Variants in NCALD observed in about 807,000 individuals in gnomAD.
NCALD encodes the protein neurocalcin delta.
In NCALD, 10 loss-of-function variants were observed where a neutral mutation model predicts 18.6. The ratio of observed to expected loss-of-function variants is 0.54; its 90% CI spans 0.33 to 0.91. NCALD has a LOEUF of 0.91. Among genes scored for constraint, NCALD ranks in the 40% least tolerant of loss-of-function variants. NCALD has a pLI of 0.03. For missense variants in NCALD, 184 were observed against 247.6 expected (o/e 0.74, Z 1.72); for synonymous variants, 88 against 87.4 (o/e 1.01, Z -0.04).
intron 4 of NCALD, among the ~76,000 whole-genome samples, chr8:101,840,415 A>G (rs764053731): frequency 1.2e-4 from 18 of 150,734 alleles, no homozygotes; most frequent in Non-Finnish European, 2.5e-4. Context: ...ATATAGCCTG[A>G]AAAACAGAAA....
chr8:101,914,555 AC>A (rs1817913511), intron 3 of NCALD, among the ~76,000 whole-genome samples: 1 of 152,224 alleles, frequency 6.6e-6, no homozygotes, highest in African/African-American at 2.4e-5. Context: ...AGAGTATCTT[AC>A]ATACATTATT....
chr8:101,814,514 A>C (rs1813421971), intron 4 of NCALD, among the ~76,000 whole-genome samples: 1 of 152,144 alleles, frequency 6.6e-6, no homozygotes. Flanking sequence ...ATCTACAAAA[A>C]ACCTACAGCT....
chr8:101,828,734 T>C (rs1563806637), intron 4 of NCALD, among the ~76,000 whole-genome samples: 1 of 152,118 alleles, frequency 6.6e-6, no homozygotes, highest in Non-Finnish European at 1.5e-5. Flanking sequence ...CCCAGGTAGC[T>C]GGGATTACAG....
At chr8:102,059,195 A>C (rs1402970601) in intron 1 of NCALD, among the ~76,000 whole-genome samples, 1 of 152,186 alleles carries the variant, frequency 6.6e-6, no homozygotes, top group Non-Finnish European at 1.5e-5. Context: ...CTACATGGTA[A>C]ATGTTTCATT....
chr8:101,936,856 A>G (rs1292500355), intron 2 of NCALD, among the ~76,000 whole-genome samples: 1 of 152,204 alleles, frequency 6.6e-6, no homozygotes, highest in African/African-American at 2.4e-5. Flanking sequence ...TCTCTTCCAC[A>G]TGACCTCCTG....
chr8:101,690,447 C>A (rs2129927027), intron 3 of NCALD: 1 of 985,454 alleles, frequency 1.0e-6, no homozygotes, highest in Admixed American at 6.1e-5. Flanking sequence ...CTGCCTGGCT[C>A]TGCACGCCTG....
chr8:101,745,305 C>T (rs1015604070), intron 1 of NCALD, among the ~76,000 whole-genome samples: 8 of 152,202 alleles, frequency 5.3e-5, no homozygotes, highest in East Asian at 1.9e-4. Context: ...CCAGCCATCA[C>T]GCCCTGGTGA....
At chr8:101,898,415 TTAATC>T (rs113134489) in intron 3 of NCALD, among the ~76,000 whole-genome samples, 8,649 of 152,206 alleles carry the variant, frequency 0.057, 630 homozygotes, top group African/African-American at 0.17. Flanking sequence ...TTGGAGTTCT[TTAATC>T]TAGGTACGTG....
chr8:101,854,420 T>C (rs1319702296), intron 4 of NCALD, among the ~76,000 whole-genome samples: 1 of 152,192 alleles, frequency 6.6e-6, no homozygotes, highest in Non-Finnish European at 1.5e-5. Context: ...GTTCCTGAAG[T>C]GCATGGGTCA....
intron 2 of NCALD, among the ~76,000 whole-genome samples, chr8:101,964,848 T>C (rs533916303): frequency 2.0e-5 from 3 of 152,240 alleles, no homozygotes; most frequent in Admixed American, 2.0e-4. Flanking sequence ...CAGAAAATGT[T>C]TTGGTACAGA....
intron 1 of NCALD, among the ~76,000 whole-genome samples, chr8:102,103,969 C>A (rs569065406): frequency 6.6e-6 from 1 of 152,230 alleles, no homozygotes; most frequent in African/African-American, 2.4e-5. Context: ...GTGGAGTAAG[C>A]AAAGAGACAC....
intron 1 of NCALD, among the ~76,000 whole-genome samples, chr8:102,109,765 G>A: frequency 6.6e-6 from 1 of 152,054 alleles, no homozygotes; most frequent in Non-Finnish European, 1.5e-5. Flanking sequence ...TTGAAATGAA[G>A]TGTATTTGTG....
intron 1 of NCALD, among the ~76,000 whole-genome samples, chr8:101,738,552 C>CAAAAAAAAAAAAAAAAAA (rs34205453): frequency 7.8e-6 from 1 of 127,916 alleles, no homozygotes; most frequent in African/African-American, 2.9e-5. Context: ...CTCAAAAAAA[C>CAAAAAAAAAAAAAAAAAA]AAAAAAAAAA....
At chr8:101,735,975 C>G (rs553329709) in intron 1 of NCALD, among the ~76,000 whole-genome samples, 8 of 152,326 alleles carry the variant, frequency 5.3e-5, no homozygotes, top group African/African-American at 1.9e-4. Context: ...CTGCTCACAG[C>G]TTTTGGACAT....
intron 4 of NCALD, among the ~76,000 whole-genome samples, chr8:101,810,770 T>C (rs1813276674): frequency 6.6e-6 from 1 of 152,182 alleles, no homozygotes; most frequent in Admixed American, 6.5e-5. Context: ...TAATGCCTAT[T>C]TCTTTTTTTA....
chr8:101,963,324 T>C (rs1279878734), intron 2 of NCALD, among the ~76,000 whole-genome samples: 1 of 152,122 alleles, frequency 6.6e-6, no homozygotes, highest in African/African-American at 2.4e-5. Flanking sequence ...ATATCCAATC[T>C]CCTTTTCCTG....
chr8:101,740,086 C>G (rs1385200708), intron 1 of NCALD, among the ~76,000 whole-genome samples: 1 of 152,196 alleles, frequency 6.6e-6, no homozygotes, highest in African/African-American at 2.4e-5. Flanking sequence ...CCAATTTTGT[C>G]TCAATTCTAA....
intron 1 of NCALD, among the ~76,000 whole-genome samples, chr8:102,082,339 T>G (rs1354952513): frequency 6.8e-6 from 1 of 147,270 alleles, no homozygotes; most frequent in Non-Finnish European, 1.5e-5. Flanking sequence ...ATTCACGCCA[T>G]TCTCCTGCCT....
intron 1 of NCALD, among the ~76,000 whole-genome samples, chr8:101,732,684 A>C (rs1342906418): frequency 7.5e-6 from 1 of 132,782 alleles, no homozygotes; most frequent in African/African-American, 2.9e-5. Context: ...GCTCACTGCA[A>C]CCTCTGCCTC....
Sources: gnomAD v4.1 joint callset for allele counts (sites outside exome capture counted in the v4.1 genomes callset) on GRCh38, gnomAD v4.1.1 for gene constraint, MANE v1.5 for transcripts, NCBI Gene and HGNC (gene_info 2026-07-23, HGNC 2026-07-21) for gene names.